The following MYO1H variants were observed in gnomAD, a reference collection of about 807,000 sequenced individuals.
MYO1H encodes myosin IH.
A neutral mutation model predicts 149.3 loss-of-function variants in MYO1H; 118 were observed. The ratio of observed to expected loss-of-function variants is 0.79; its 90% CI spans 0.68 to 0.92. MYO1H has a LOEUF of 0.92. MYO1H is among the 40% of genes least tolerant of loss of function. The pLI, the probability that MYO1H is intolerant of heterozygous loss-of-function variation, is 0.00. For missense variants in MYO1H, 1,212 were observed against 1,280.7 expected (o/e 0.95, Z 0.82); for synonymous variants, 447 against 465.2 (o/e 0.96, Z 0.50).
intron 20 of MYO1H, 115 bp from the exon 21 acceptor site, chr12:109,434,922 A>C (rs11066569): frequency 0.069 from 43,218 of 630,586 alleles, 1,751 homozygotes; most frequent in South Asian, 0.11. Context: ...CTATTTCCAA[A>C]TAAGATGGTA....
intron 23 of MYO1H, 133 bp from the exon 24 acceptor site, chr12:109,439,498 T>TGGCCTGTGGCCTACATTCCA (rs75438555): frequency 0.43 from 289,165 of 674,168 alleles, 65,142 homozygotes; most frequent in Middle Eastern, 0.52. Context: ...GGGGCAGATT[T>TGGCCTGTGGCCTACATTCCA]GGCCTCTGGC....
intron 21 of MYO1H, among the ~76,000 whole-genome samples, chr12:109,435,355 A>C (rs1871816045): frequency 7.7e-6 from 1 of 129,802 alleles, no homozygotes; most frequent in Non-Finnish European, 1.7e-5. Context: ...TCTCGTTTGG[A>C]TCAGATTCTG....
At chr12:109,327,547 A>T in the MYO1H span, among the ~76,000 whole-genome samples, 1 of 151,644 alleles carries the variant, frequency 6.6e-6, no homozygotes, top group Admixed American at 6.6e-5. Context: ...GGAGTTTGAG[A>T]CCAACCTGGC....
intron 15 of MYO1H, among the ~76,000 whole-genome samples, chr12:109,419,892 C>T (rs1871100476): frequency 6.7e-6 from 1 of 149,508 alleles, no homozygotes; most frequent in Non-Finnish European, 1.5e-5. Flanking sequence ...AAAAAAAAAT[C>T]TGGTTTTGCC....
In MYO1H at chr12:109,365,989, G is replaced by A. The variant is rs55982015; in HGVS notation, c.12+18017G>A. Among the ~76,000 whole-genome samples the A allele has an allele frequency of 6.6e-3, 1,009 of 152,326 alleles. 12 individuals carry two copies. The highest frequency in any genetic ancestry group is 0.023 in the African/African-American group (967 of 41,564). On this transcript the variant is annotated intron_variant, in intron 1 of 31. Coordinates refer to ENST00000310903, the Ensembl canonical transcript of MYO1H. ...GTGAAGCCTGTTGTGAACTGCACGT[G>A]TGAAGGATCTAGGTTGAACACTCCT... is the stretch of plus-strand genomic sequence containing the variant.
chr12:109,391,252 G>GTGT (rs1027971908), intron 2 of MYO1H, among the ~76,000 whole-genome samples: 57 of 152,034 alleles, frequency 3.7e-4, no homozygotes, highest in African/African-American at 1.4e-3. Flanking sequence ...GCCCCAATGG[G>GTGT]TGTTGTTCCC....
At chr12:109,448,117 A>C (rs1018390594) in exon 32 of MYO1H, 1 of 151,138 alleles carries the variant, frequency 6.6e-6, no homozygotes, top group Non-Finnish European at 1.5e-5. Context: ...ATATACGTGT[A>C]GCTCATGTAT....
chr12:109,318,981 T>TTTG, the MYO1H span, among the ~76,000 whole-genome samples: 8 of 49,640 alleles, frequency 1.6e-4, no homozygotes, highest in African/African-American at 4.3e-4. Flanking sequence ...TGTTTTTTTT[T>TTTG]TTTTTTTTTT....
At chr12:109,371,688 T>C (rs1379095596) in intron 1 of MYO1H, among the ~76,000 whole-genome samples, 2 of 152,228 alleles carry the variant, frequency 1.3e-5, no homozygotes, top group Admixed American at 1.3e-4. Context: ...TATCTACAAA[T>C]GAAATTATTG....
the MYO1H span, among the ~76,000 whole-genome samples, chr12:109,318,961 T>TTTG: frequency 9.7e-6 from 1 of 103,410 alleles, no homozygotes; most frequent in Non-Finnish European, 1.9e-5. Context: ...ACTCTCTGCG[T>TTTG]TTTTGGTTTT....
chr12:109,406,923 C>T lies in MYO1H; in HGVS notation c.1035+63C>T, dbSNP rs11834178. On this transcript the variant is annotated intron_variant, in intron 9 of 31. Transcript: ENST00000310903. ...CTGCTGCTGCTGCCTCCCTCGATAACAGCAGGGTGGTGGCCTCAGGGGAGG... is the reference window on the plus strand; with the variant it reads ...CTGCTGCTGCTGCCTCCCTCGATAATAGCAGGGTGGTGGCCTCAGGGGAGG... 7.9e-3 allele frequency: 11,659 copies of T among 1,484,574 alleles called. 669 individuals are homozygous for T. In the African/African-American group the frequency reaches 0.14, roughly 17 times the overall value. 92.0% of individuals were successfully genotyped at this position (1,484,574 alleles called of 1,614,324 possible). A position where few individuals can be genotyped will look rare whatever the true frequency, so the allele number is the denominator to read the frequency against.
At chr12:109,385,197 T>C (rs1285474293) in intron 1 of MYO1H, among the ~76,000 whole-genome samples, 2 of 152,168 alleles carry the variant, frequency 1.3e-5, no homozygotes, top group East Asian at 3.8e-4. Flanking sequence ...AACTTGGAAA[T>C]GCTCGTGTTC....
the MYO1H span, among the ~76,000 whole-genome samples, chr12:109,341,134 G>A: frequency 7.3e-6 from 1 of 136,660 alleles, no homozygotes; most frequent in African/African-American, 2.8e-5. Flanking sequence ...GTTGCAGTGA[G>A]CCAAGATTGT....
intron 1 of MYO1H, among the ~76,000 whole-genome samples, chr12:109,361,063 T>A (rs1166858873): frequency 6.6e-6 from 1 of 152,206 alleles, no homozygotes; most frequent in Non-Finnish European, 1.5e-5. Flanking sequence ...TTATAAAGAA[T>A]AAGTGAAAAA....
intron 1 of MYO1H, among the ~76,000 whole-genome samples, chr12:109,358,795 AT>A (rs11327582): frequency 0.83 from 103,116 of 123,504 alleles, 42,973 homozygotes; most frequent in East Asian, 0.97. Context: ...AGGCTTTAAG[AT>A]TTTTTTTTTT....
chr12:109,403,519 C>G (rs1870252329), intron 6 of MYO1H, among the ~76,000 whole-genome samples: 1 of 152,220 alleles, frequency 6.6e-6, no homozygotes, highest in Non-Finnish European at 1.5e-5. Context: ...CTCTGTTTCT[C>G]TAAATGCTAG....
chr12:109,408,341 T>TA lies in MYO1H; in HGVS notation c.1155+428_1155+429insA, dbSNP rs199746111. On this transcript the variant is annotated intron_variant, in intron 10 of 31. Transcript: ENST00000310903. The stretch of plus-strand genomic sequence containing the variant: ...TGCATACCACCATGCCCTGCTAATT[T>TA]TAAAAAAAAATTTTGTAGAGATGAG... 9.2e-3 allele frequency among the ~76,000 whole-genome samples: 1,293 copies of TA among 140,294 alleles called. 5 individuals carry two copies. The highest frequency in any genetic ancestry group is 0.016 in the Non-Finnish European group (966 of 62,208). 92.0% of individuals were successfully genotyped at this position (140,294 alleles called of 152,430 possible).
chr12:109,440,918 A>G, intron 25 of MYO1H, 91 bp downstream of exon 25: 1 of 938,064 alleles, frequency 1.1e-6, no homozygotes. Context: ...CATTTCACCT[A>G]TAAGCGGGGG....
chr12:109,312,995 C>T, the MYO1H span, among the ~76,000 whole-genome samples: 1 of 151,900 alleles, frequency 6.6e-6, no homozygotes, highest in Non-Finnish European at 1.5e-5. Flanking sequence ...AATCCCTGCA[C>T]TTTGGGAGGC....
Sources: allele counts gnomAD v4.1 joint callset (sites outside exome capture counted in the v4.1 genomes callset), GRCh38; gene constraint gnomAD v4.1.1; transcripts MANE v1.5; gene names NCBI Gene and HGNC (gene_info 2026-07-23, HGNC 2026-07-21).